Variants in CACNA1A observed in about 807,000 individuals in gnomAD.
The protein encoded by CACNA1A is calcium voltage-gated channel subunit alpha1 A.
Under a neutral mutation model 262.4 loss-of-function variants are expected in CACNA1A, and 57 were observed. That is an observed-to-expected ratio of 0.22 (90% CI 0.18 to 0.27). The LOEUF is 0.27. Ranked by LOEUF, CACNA1A falls within the 10% of genes least tolerant of loss-of-function variation. The pLI is 1.00. For synonymous variants in CACNA1A, 1,431 were observed against 1,419.3 expected (o/e 1.01, Z -0.18); for missense variants, 2,526 against 3,562.8 (o/e 0.71, Z 7.41).
At chr19:13,294,675 G>A (rs576864581) in intron 19 of CACNA1A, among the ~76,000 whole-genome samples, 2 of 151,984 alleles carry the variant, frequency 1.3e-5, no homozygotes, top group South Asian at 2.1e-4. Flanking sequence ...TTTTAGTAGA[G>A]ACAGGGTTTT....
chr19:13,227,376 AAGAAG>A, intron 37 of CACNA1A, 50 bp downstream of exon 37: 30 of 786,090 alleles, frequency 3.8e-5, no homozygotes, highest in East Asian at 7.8e-5. Context: ...AAAGAAGAAG[AAGAAG>A]AAAAAAAAAC....
chr19:13,342,946 A>G (rs182788789), intron 6 of CACNA1A, among the ~76,000 whole-genome samples: 1 of 152,114 alleles, frequency 6.6e-6, no homozygotes, highest in African/African-American at 2.4e-5. Flanking sequence ...TTTTGTAGAG[A>G]GGGGGTCTCT....
intron 28 of CACNA1A, among the ~76,000 whole-genome samples, chr19:13,255,672 C>T (rs2056526892): frequency 7.4e-6 from 1 of 135,096 alleles, no homozygotes; most frequent in Admixed American, 7.4e-5. Context: ...CTCCCTCGCT[C>T]CCTCCCTCCT....
At chr19:13,219,184 G>A (rs1469200910) in intron 38 of CACNA1A, among the ~76,000 whole-genome samples, 5 of 151,088 alleles carry the variant, frequency 3.3e-5, no homozygotes, top group Non-Finnish European at 7.4e-5. Context: ...TGGGATTACT[G>A]GCGCCAGCCA....
chr19:13,433,506 C>T (rs2060557954), intron 3 of CACNA1A, among the ~76,000 whole-genome samples: 1 of 143,968 alleles, frequency 6.9e-6, no homozygotes, highest in Admixed American at 7.3e-5. Context: ...AGATGGACCC[C>T]CAGGGACATG....
chr19:13,255,671 TCCC>T (rs2056526953), intron 28 of CACNA1A, among the ~76,000 whole-genome samples: 1 of 137,368 alleles, frequency 7.3e-6, no homozygotes, highest in African/African-American at 2.8e-5. Flanking sequence ...CCTCCCTCGC[TCCC>T]TCCCTCCTTC....
At chr19:13,282,768 C>T (rs913635850) in intron 22 of CACNA1A, among the ~76,000 whole-genome samples, 2 of 152,042 alleles carry the variant, frequency 1.3e-5, no homozygotes, top group African/African-American at 4.8e-5. Flanking sequence ...AGCAAGTGCT[C>T]AATTAACAGG....
rs965832654 is a variant in CACNA1A, at chr19:13,224,542, G to A, written c.5731+125C>T. Reference sequence around the variant, plus strand: ...CAAACCCCAAAAAACCCTGTGGAACGAATGAATGGAAGAGTGAATGAAGAT... The same window carrying A: ...CAAACCCCAAAAAACCCTGTGGAACAAATGAATGGAAGAGTGAATGAAGAT... On this transcript the variant is annotated intron_variant, in intron 38 of 46. Transcript: ENST00000360228. 1.9e-5 allele frequency: 12 copies of A among 621,520 alleles called. 1 individual carries two copies. The highest frequency in any genetic ancestry group is 1.6e-4 in the South Asian group (8 of 50,456). 38.5% of individuals were successfully genotyped at this position (621,520 alleles called of 1,614,324 possible).
chr19:13,226,772 C>T (rs772432811), intron 37 of CACNA1A, among the ~76,000 whole-genome samples: 4 of 152,190 alleles, frequency 2.6e-5, no homozygotes, highest in Non-Finnish European at 5.9e-5. Context: ...GTCCAGGGGT[C>T]CAGCTGCGGC....
intron 24 of CACNA1A, among the ~76,000 whole-genome samples, chr19:13,270,798 C>T (rs561918998): frequency 1.3e-5 from 2 of 152,136 alleles, no homozygotes; most frequent in East Asian, 3.9e-4. Context: ...CCTCTCTCAT[C>T]CCTTCGGCCA....
At chr19:13,303,395 C>G (rs942496553) in intron 17 of CACNA1A, 151 bp downstream of exon 17, 1 of 596,032 alleles carries the variant, frequency 1.7e-6, no homozygotes, top group Admixed American at 2.9e-5. Flanking sequence ...GGGGGAGAGG[C>G]GCCTTCTCTT....
chr19:13,495,812 C>A (rs1981434563), intron 1 of CACNA1A, among the ~76,000 whole-genome samples: 1 of 151,932 alleles, frequency 6.6e-6, no homozygotes, highest in Non-Finnish European at 1.5e-5. Flanking sequence ...ATATTTTTAC[C>A]CCTCAATCCA....
chr19:13,306,434 G>C (rs184755908), intron 15 of CACNA1A: 1 of 151,948 alleles, frequency 6.6e-6, no homozygotes, highest in East Asian at 1.9e-4. Context: ...TGGAGCTCAC[G>C]GCAGCCTTGA....
intron 26 of CACNA1A, chr19:13,259,946 C>T: frequency 6.4e-6 from 3 of 471,870 alleles, no homozygotes; most frequent in Non-Finnish European, 1.2e-5. Flanking sequence ...AGAGCTGACC[C>T]AGGGTCCAGC....
At chr19:13,221,239 T>TC (rs1423302661) in intron 38 of CACNA1A, among the ~76,000 whole-genome samples, 1 of 100,490 alleles carries the variant, frequency 1.0e-5, no homozygotes, top group African/African-American at 4.1e-5. Flanking sequence ...TCTTTCTTTT[T>TC]TTTTTTTTTT....
chr19:13,446,876 C>T (rs943874969), intron 3 of CACNA1A, among the ~76,000 whole-genome samples: 4 of 151,914 alleles, frequency 2.6e-5, no homozygotes, highest in Non-Finnish European at 5.9e-5. Flanking sequence ...GGTGCTTGCC[C>T]GCTGCACCCA....
In CACNA1A at chr19:13,335,422, TA is replaced by T. The variant is rs200873144; in HGVS notation, c.1082+383del. ...CCACCATACAAGTGCCCAGACTTCT[TA>T]TGGTAAGAAAAATGAAGCCCATTTA... On this transcript the variant is annotated intron_variant, in intron 7 of 46. Coordinates refer to ENST00000360228, the MANE Select transcript of CACNA1A (RefSeq NM_001127222.2). 3.7e-3 allele frequency among the ~76,000 whole-genome samples: 561 copies of T among 152,208 alleles called. 3 individuals are homozygous for T. Among genetic ancestry groups the T allele is most frequent in the Middle Eastern group, 0.01 (3 of 294 alleles).
At chr19:13,405,501 T>C (rs909812100) in intron 3 of CACNA1A, among the ~76,000 whole-genome samples, 4 of 152,210 alleles carry the variant, frequency 2.6e-5, no homozygotes, top group African/African-American at 7.2e-5. Context: ...CCATTGCTCC[T>C]GGCCATATTA....
chr19:13,359,220 A>G (rs890902298), intron 6 of CACNA1A, among the ~76,000 whole-genome samples: 1 of 152,152 alleles, frequency 6.6e-6, no homozygotes, highest in Non-Finnish European at 1.5e-5. Flanking sequence ...GTATGGCTGG[A>G]GAAGGACTGG....
Sources: gnomAD v4.1 joint callset for allele counts (sites outside exome capture counted in the v4.1 genomes callset) on GRCh38, gnomAD v4.1.1 for gene constraint, MANE v1.5 for transcripts, NCBI Gene and HGNC (gene_info 2026-07-23, HGNC 2026-07-21) for gene names.